C2orf76: variants seen among roughly 807,000 people sequenced by gnomAD.
The protein encoded by C2orf76 is UPF0538 protein C2orf76.
C2orf76 carries 23 observed loss-of-function variants against 16.9 expected under a neutral mutation model. The ratio of observed to expected loss-of-function variants is 1.36; its 90% CI spans 0.98 to 1.93. C2orf76 has a LOEUF of 1.93. Among genes scored for constraint, C2orf76 ranks in the 30% most tolerant of loss-of-function variants. The pLI is 0.00. For missense variants in C2orf76, 152 were observed against 152.6 expected (o/e 1.00, Z 0.02); for synonymous variants, 48 against 52.3 (o/e 0.92, Z 0.35).
At chr2:119,291,123 T>G in the C2orf76 span, among the ~76,000 whole-genome samples, 2 of 152,000 alleles carry the variant, frequency 1.3e-5, no homozygotes, top group Non-Finnish European at 2.9e-5. Flanking sequence ...ACCTGCAGCC[T>G]GGACTTCTCC....
intron 1 of C2orf76, among the ~76,000 whole-genome samples, chr2:119,349,562 T>G (rs1680315677): frequency 1.3e-5 from 2 of 152,182 alleles, no homozygotes; most frequent in African/African-American, 2.4e-5. Flanking sequence ...CCAGCTACAA[T>G]GACAGCTCAC....
chr2:119,357,405 T>C lies in C2orf76; in HGVS notation c.-13+9385A>G, dbSNP rs181229042. 9.5e-4 allele frequency among the ~76,000 whole-genome samples: 145 copies of C among 152,226 alleles called. No homozygotes were observed. The Middle Eastern group carries it at 0.01, about 11-fold the overall frequency. On this transcript the variant is annotated intron_variant, in intron 1 of 5. Coordinates refer to ENST00000334816, the MANE Select transcript of C2orf76 (RefSeq NM_001322331.2). The stretch of plus-strand genomic sequence containing the variant: ...AGAGAAGCAAGGTTAGTTTAATATT[T>C]GAAAAGCAATCAATGTAATCCACCA...
At chr2:119,309,588 T>A (rs1245701928) in intron 5 of C2orf76, among the ~76,000 whole-genome samples, 1 of 151,596 alleles carries the variant, frequency 6.6e-6, no homozygotes, top group African/African-American at 2.4e-5. Context: ...CCTGGCTAAT[T>A]TTTGTATTTT....
intron 2 of C2orf76, among the ~76,000 whole-genome samples, chr2:119,333,694 C>T (rs1679747474): frequency 6.6e-6 from 1 of 152,266 alleles, no homozygotes; most frequent in Non-Finnish European, 1.5e-5. Context: ...GGTCCACAGA[C>T]TGTTGTTTGT....
intron 1 of C2orf76, among the ~76,000 whole-genome samples, chr2:119,342,627 A>G (rs1680069542): frequency 6.7e-6 from 1 of 150,264 alleles, no homozygotes; most frequent in Admixed American, 6.7e-5. Flanking sequence ...ACAAAAAAGA[A>G]AAAAAAAAAG....
Position 119,339,981 on chromosome 2 carries a change from G to C in C2orf76, c.-12-10C>G, listed in dbSNP as rs1462285118. The stretch of plus-strand genomic sequence containing the variant: ...CCATGTGAAGAAATTCCTGTGGCAA[G>C]AGACATGAGAACCATCTAAATGAAG... On this transcript the variant is annotated splice_polypyrimidine_tract_variant and intron_variant, in intron 1 of 5. Coordinates refer to ENST00000334816, the MANE Select transcript of C2orf76 (RefSeq NM_001322331.2). The C allele has an allele frequency of 6.2e-7, 1 of 1,604,152 alleles. No homozygotes were observed. Among genetic ancestry groups the C allele is most frequent in the East Asian group, 2.2e-5 (1 of 44,606 alleles).
At chr2:119,335,009 G>A (rs767207680) in intron 2 of C2orf76, among the ~76,000 whole-genome samples, 7 of 152,120 alleles carry the variant, frequency 4.6e-5, no homozygotes, top group South Asian at 4.1e-4. Context: ...GTGGGACCAC[G>A]TTTCTCACTG....
At chr2:119,295,084 G>A in the C2orf76 span, among the ~76,000 whole-genome samples, 220 of 152,288 alleles carry the variant, frequency 1.4e-3, no homozygotes, top group African/African-American at 4.8e-3. Flanking sequence ...CTAGGGTGCA[G>A]TTATTAATGA....
intron 5 of C2orf76, among the ~76,000 whole-genome samples, chr2:119,304,794 CTG>C (rs1368495578): frequency 6.6e-6 from 1 of 152,186 alleles, no homozygotes; most frequent in Non-Finnish European, 1.5e-5. Context: ...CTGTAAGACT[CTG>C]TGGAAAATGT....
At chr2:119,366,838 CCCACGT>C, upstream of C2orf76, 1 of 627,380 alleles carries the variant, frequency 1.6e-6, no homozygotes, top group Non-Finnish European at 2.8e-6. Flanking sequence ...CGCAAGCGGT[CCCACGT>C]GGGCTCGGGC....
chr2:119,300,906 A>T (rs182717720), downstream of C2orf76, among the ~76,000 whole-genome samples: 55 of 152,304 alleles, frequency 3.6e-4, no homozygotes, highest in Middle Eastern at 6.8e-3. Flanking sequence ...ACCATCTATA[A>T]AAGTCAGGGA....
intron 1 of C2orf76, among the ~76,000 whole-genome samples, chr2:119,350,410 C>A (rs1156480880): frequency 6.6e-6 from 1 of 152,100 alleles, no homozygotes. Flanking sequence ...CTTTAAGCCT[C>A]CCTGCCTAAA....
chr2:119,322,894 G>C (rs1262835646), intron 2 of C2orf76, among the ~76,000 whole-genome samples: 19 of 152,130 alleles, frequency 1.2e-4, no homozygotes, highest in Admixed American at 1.0e-3. Context: ...GTCAGACAGA[G>C]ACCAGAAGGG....
chr2:119,366,450 A>C, intron 1 of C2orf76: 1 of 471,778 alleles, frequency 2.1e-6, no homozygotes, highest in East Asian at 7.0e-5. Flanking sequence ...AGTTCAGAGG[A>C]AGAAGCCTCG....
At chr2:119,289,881 C>G in the C2orf76 span, among the ~76,000 whole-genome samples, 47 of 152,054 alleles carry the variant, frequency 3.1e-4, 2 homozygotes, top group Admixed American at 1.2e-3. Context: ...GGAAGAGAGA[C>G]CACAGAGGCA....
downstream of C2orf76, among the ~76,000 whole-genome samples, chr2:119,299,627 C>T (rs1270790813): frequency 2.0e-5 from 3 of 152,116 alleles, no homozygotes; most frequent in Non-Finnish European, 4.4e-5. Context: ...CTTCTAGTTT[C>T]TGGTGGTTGC....
intron 1 of C2orf76, among the ~76,000 whole-genome samples, chr2:119,350,060 G>T (rs555656092): frequency 2.1e-5 from 1 of 48,644 alleles, no homozygotes; most frequent in Non-Finnish European, 4.1e-5. Context: ...ACCACGCCCC[G>T]CCCACACCGC....
chr2:119,353,493 G>A (rs919825297), intron 1 of C2orf76, among the ~76,000 whole-genome samples: 1 of 150,972 alleles, frequency 6.6e-6, no homozygotes, highest in Non-Finnish European at 1.5e-5. Flanking sequence ...AATAGATTTC[G>A]GTAACAATGA....
intron 5 of C2orf76, among the ~76,000 whole-genome samples, chr2:119,306,458 A>G (rs72840972): frequency 0.031 from 4,784 of 152,286 alleles, 91 homozygotes; most frequent in South Asian, 0.08. Flanking sequence ...CTTCCCTCAG[A>G]TAAACACTTA....
Sources: gnomAD v4.1 joint callset for allele counts (sites outside exome capture counted in the v4.1 genomes callset) on GRCh38, gnomAD v4.1.1 for gene constraint, MANE v1.5 for transcripts, NCBI Gene and HGNC (gene_info 2026-07-23, HGNC 2026-07-21) for gene names.